The following TSEN2 variants were observed in gnomAD, a reference collection of about 807,000 sequenced individuals.
TSEN2 encodes the protein tRNA splicing endonuclease subunit 2, also known as tRNA-splicing endonuclease subunit Sen2.
A neutral mutation model predicts 59.2 loss-of-function variants in TSEN2; 54 were observed. The ratio of observed to expected loss-of-function variants is 0.91; its 90% CI spans 0.73 to 1.14. TSEN2 has a LOEUF of 1.14. Ranked by LOEUF, TSEN2 falls within the 50% of genes most tolerant of loss-of-function variation. The pLI, the probability that TSEN2 is intolerant of heterozygous loss-of-function variation, is 0.00. For missense variants in TSEN2, 636 were observed against 576.2 expected, an observed-to-expected ratio of 1.10 and a Z score of -1.06; for synonymous variants, 195 against 198.2, an observed-to-expected ratio of 0.98 and a Z score of 0.14.
intron 8 of TSEN2, 43 bp from the exon 9 acceptor site, chr3:12,528,845 A>AT (rs1293077474): frequency 1.2e-6 from 2 of 1,609,644 alleles, no homozygotes; most frequent in Non-Finnish European, 1.7e-6. Context: ...CTCTCTCATT[A>AT]TTTTGAGTGG....
intron 11 of TSEN2, 142 bp from the exon 12 acceptor site, chr3:12,532,520 G>T (rs1352469917): frequency 1.1e-5 from 8 of 753,416 alleles, no homozygotes; most frequent in Non-Finnish European, 1.6e-5. Context: ...ATTTTCTCCA[G>T]ATGTTTCTGT....
intron 6 of TSEN2, chr3:12,515,025 A>G (rs1218086763): frequency 1.3e-5 from 2 of 152,144 alleles, no homozygotes; most frequent in African/African-American, 4.8e-5. Context: ...CACTGGAGAG[A>G]GCACAAATGA....
rs557634747 is a variant in TSEN2, at chr3:12,486,858, G to A, written c.-18+1978G>A. Among the ~76,000 whole-genome samples, 14 of 152,262 alleles carry A rather than the reference G, an allele frequency of 9.2e-5. No homozygotes were observed. In the South Asian group the frequency reaches 2.7e-3, roughly 29 times the overall value. On this transcript the variant is annotated intron_variant, in intron 1 of 11. Coordinates refer to ENST00000284995, the MANE Select transcript of TSEN2 (RefSeq NM_025265.4). ...ATAATGCTTTCAGGTGTTGAAGAAT[G>A]TATCCGAACTTCATTCCTTTTCTAT...
intron 2 of TSEN2, 61 bp from the exon 3 acceptor site, chr3:12,492,075 A>C (rs762772271): frequency 4.2e-5 from 59 of 1,409,340 alleles, no homozygotes; most frequent in Non-Finnish European, 5.3e-5. Context: ...TGTATATTCT[A>C]CCTCAGCTAA....
intron 6 of TSEN2, among the ~76,000 whole-genome samples, chr3:12,505,783 CAAAA>C (rs34334319): frequency 2.4e-5 from 2 of 84,680 alleles, no homozygotes; most frequent in South Asian, 5.2e-4. Flanking sequence ...AACTCTGTCT[CAAAA>C]AAAAAAAAAA....
At chr3:12,536,696 T>C (rs951288389), downstream of TSEN2, among the ~76,000 whole-genome samples, 3 of 152,100 alleles carry the variant, frequency 2.0e-5, no homozygotes, top group African/African-American at 7.2e-5. Flanking sequence ...GATTGGTATG[T>C]GGTCTTATTT....
In TSEN2 at chr3:12,521,438, G is replaced by A. The variant is rs2056628323; in HGVS notation, c.1099+2241G>A. On this transcript the variant is annotated intron_variant, in intron 8 of 11. Transcript: ENST00000284995. The stretch of plus-strand genomic sequence containing the variant: ...GTCAAAAAGATTCAGATATCTGCTG[G>A]GCACAGTGGCTCACGCCTGGATTCT... Among the ~76,000 whole-genome samples the A allele has an allele frequency of 3.9e-5, 6 of 152,208 alleles. No individual in the cohort carries two copies. The South Asian group carries it at 1.2e-3, about 32-fold the overall frequency.
intron 10 of TSEN2, 30 bp from the exon 11 acceptor site, chr3:12,531,540 A>G (rs2057458452): frequency 2.7e-6 from 4 of 1,458,682 alleles, no homozygotes; most frequent in African/African-American, 2.8e-5. Context: ...ATTTTGTAGG[A>G]TACAGAAGTG....
chr3:12,514,001 C>T (rs1485835994), intron 6 of TSEN2, among the ~76,000 whole-genome samples: 4 of 152,210 alleles, frequency 2.6e-5, no homozygotes, highest in Non-Finnish European at 5.9e-5. Flanking sequence ...AAGCATTGAA[C>T]ACCCAACATG....
chr3:12,513,130 C>G (rs538998891), intron 6 of TSEN2, among the ~76,000 whole-genome samples: 1 of 152,322 alleles, frequency 6.6e-6, no homozygotes, highest in South Asian at 2.1e-4. Context: ...CATAGATGAT[C>G]AAAGCCAGTC....
At chr3:12,505,950 G>T (rs1214123224) in intron 6 of TSEN2, among the ~76,000 whole-genome samples, 1 of 152,014 alleles carries the variant, frequency 6.6e-6, no homozygotes, top group Non-Finnish European at 1.5e-5. Context: ...GGGCGAAAGA[G>T]TGAGACTCTG....
chr3:12,499,681 G>C (rs1171330251), intron 4 of TSEN2, among the ~76,000 whole-genome samples: 2 of 152,156 alleles, frequency 1.3e-5, no homozygotes, highest in Non-Finnish European at 2.9e-5. Context: ...CATTGATATG[G>C]GTGTGCACAC....
At chr3:12,490,054 T>C (rs918968471) in intron 2 of TSEN2, 65 bp downstream of exon 2, 21 of 1,480,962 alleles carry the variant, frequency 1.4e-5, no homozygotes, top group Middle Eastern at 1.7e-4. Flanking sequence ...CCTTTCCTTC[T>C]CCCCATCCCA....
intron 10 of TSEN2, chr3:12,530,531 T>A: frequency 1.0e-6 from 1 of 985,474 alleles, no homozygotes; most frequent in African/African-American, 1.7e-5. Flanking sequence ...GTGTTCTCAT[T>A]ACTCAGTGAT....
chr3:12,519,243 A>G (rs1198189804), intron 8 of TSEN2, 46 bp downstream of exon 8: 1 of 1,610,208 alleles, frequency 6.2e-7, no homozygotes, highest in African/African-American at 1.3e-5. Flanking sequence ...AGTTTATATC[A>G]GATTCACCCT....
intron 6 of TSEN2, chr3:12,506,664 G>A: frequency 2.0e-6 from 2 of 984,318 alleles, no homozygotes; most frequent in Non-Finnish European, 2.4e-6. Context: ...TCTAACCTGT[G>A]GTCACTTTAT....
At chr3:12,532,619 C>G in intron 11 of TSEN2, 43 bp from the exon 12 acceptor site, 1 of 1,605,962 alleles carries the variant, frequency 6.2e-7, no homozygotes, top group Non-Finnish European at 8.5e-7. Context: ...AATGGTCTTA[C>G]ATTTCTGTTT....
upstream of TSEN2, among the ~76,000 whole-genome samples, chr3:12,483,929 T>C (rs564866421): frequency 2.0e-5 from 3 of 152,106 alleles, no homozygotes; most frequent in South Asian, 6.2e-4. Flanking sequence ...GGGGGGAAAA[T>C]GGGGATGCAG....
intron 1 of TSEN2, among the ~76,000 whole-genome samples, 193 bp downstream of exon 1, chr3:12,485,073 A>G (rs1405786021): frequency 1.3e-5 from 2 of 152,188 alleles, no homozygotes; most frequent in Non-Finnish European, 2.9e-5. Flanking sequence ...GCTTATTCTC[A>G]GGTTCTAACT....
Sources: gnomAD v4.1 joint callset for allele counts (sites outside exome capture counted in the v4.1 genomes callset) on GRCh38, gnomAD v4.1.1 for gene constraint, MANE v1.5 for transcripts, NCBI Gene and HGNC (gene_info 2026-07-23, HGNC 2026-07-21) for gene names.